DLC1: variants seen among roughly 807,000 people sequenced by gnomAD.
The protein encoded by DLC1 is rho GTPase-activating protein 7.
A neutral mutation model predicts 140.3 loss-of-function variants in DLC1; 54 were observed. The ratio of observed to expected loss-of-function variants is 0.38; its 90% CI spans 0.31 to 0.48. The LOEUF (loss-of-function observed/expected upper bound fraction) is 0.48. Among genes scored for constraint, DLC1 ranks in the 20% least tolerant of loss-of-function variants. DLC1 has a pLI of 0.96. For missense variants in DLC1, 2,536 were observed against 1,907.0 expected, an observed-to-expected ratio of 1.33 and a Z score of -6.14; for synonymous variants, 986 against 728.1, an observed-to-expected ratio of 1.35 and a Z score of -5.70.
chr8:13,399,137 G>A (rs897077399), intron 3 of DLC1, among the ~76,000 whole-genome samples: 48 of 152,124 alleles, frequency 3.2e-4, no homozygotes, highest in African/African-American at 7.2e-5. Context: ...CCAAGAGACC[G>A]TCAACTTTCC....
intron 4 of DLC1, among the ~76,000 whole-genome samples, chr8:13,360,781 T>A (rs1364514653): frequency 6.6e-6 from 1 of 152,128 alleles, no homozygotes; most frequent in Non-Finnish European, 1.5e-5. Flanking sequence ...AAATTCATAA[T>A]CTTACTACCC....
At chr8:13,107,055 A>G (rs1819624766) in intron 7 of DLC1, among the ~76,000 whole-genome samples, 1 of 152,236 alleles carries the variant, frequency 6.6e-6, no homozygotes, top group Admixed American at 6.5e-5. Context: ...TGCATTATAT[A>G]GTAAAGCTAG....
intron 1 of DLC1, among the ~76,000 whole-genome samples, chr8:13,557,319 C>T (rs1456883041): frequency 6.6e-6 from 1 of 152,088 alleles, no homozygotes; most frequent in African/African-American, 2.4e-5. Flanking sequence ...ACGTGAGGGC[C>T]AGTGTCTCAG....
At chr8:13,427,261 T>C (rs899040889) in intron 2 of DLC1, among the ~76,000 whole-genome samples, 3 of 152,142 alleles carry the variant, frequency 2.0e-5, no homozygotes, top group African/African-American at 7.2e-5. Context: ...TCCAAGATTT[T>C]CCCACAGTTC....
At chr8:13,367,296 C>T (rs1321551240) in intron 4 of DLC1, among the ~76,000 whole-genome samples, 3 of 152,240 alleles carry the variant, frequency 2.0e-5, no homozygotes, top group African/African-American at 4.8e-5. Flanking sequence ...TCACTCAATC[C>T]ATCCAGATCA....
intron 7 of DLC1, among the ~76,000 whole-genome samples, chr8:13,107,788 A>C (rs917149403): frequency 2.0e-5 from 3 of 152,192 alleles, no homozygotes; most frequent in African/African-American, 7.2e-5. Context: ...GCGGTGGCTC[A>C]CGCCTGTAAT....
chr8:13,499,667 T>C lies in DLC1; in HGVS notation c.405A>G (p.Thr135=), dbSNP rs200103571. The change falls in exon 2 of 18, where the codon ACA becomes ACG. Residue 135 remains threonine (T), a synonymous_variant. Coordinates refer to ENST00000276297, the MANE Select transcript of DLC1 (RefSeq NM_182643.3). The part of the protein sequence containing the change: ...KQVLNTQGQK[T]SGQHMIQGAG... Reference sequence around the variant, plus strand: ...CTCCTTGGATCATATGTTGGCCTGATGTTTTCTGCCCTTGGGTATTTAAAA... The same window carrying C: ...CTCCTTGGATCATATGTTGGCCTGACGTTTTCTGCCCTTGGGTATTTAAAA... 689 of 1,614,216 alleles carry C rather than the reference T, an allele frequency of 4.3e-4. 3 individuals carry two copies. In the Middle Eastern group the frequency reaches 7.3e-3, roughly 17 times the overall value.
chr8:13,086,176 T>C (rs773565356), intron 17 of DLC1, 114 bp downstream of exon 17: 5 of 1,426,818 alleles, frequency 3.5e-6, no homozygotes, highest in Non-Finnish European at 4.7e-6. Context: ...CCATTCTTCA[T>C]GAAGTCACCA....
intron 5 of DLC1, among the ~76,000 whole-genome samples, chr8:13,238,341 G>A (rs995570917): frequency 5.3e-5 from 8 of 151,820 alleles, no homozygotes; most frequent in Admixed American, 1.3e-4. Context: ...CTGAAATCCC[G>A]TCTCTACAAA....
intron 2 of DLC1, among the ~76,000 whole-genome samples, chr8:13,439,059 G>A (rs2116911454): frequency 6.6e-6 from 1 of 152,244 alleles, no homozygotes; most frequent in Non-Finnish European, 1.5e-5. Flanking sequence ...GAGCACAGTG[G>A]CTCATGCCTG....
At chr8:13,354,795 A>G (rs1332496225) in intron 4 of DLC1, among the ~76,000 whole-genome samples, 2 of 151,458 alleles carry the variant, frequency 1.3e-5, no homozygotes, top group African/African-American at 2.4e-5. Flanking sequence ...AAATAAAAAA[A>G]AAAATTAGCT....
chr8:13,376,626 T>G (rs1322015730), intron 4 of DLC1, among the ~76,000 whole-genome samples: 3 of 152,188 alleles, frequency 2.0e-5, no homozygotes, highest in Non-Finnish European at 4.4e-5. Flanking sequence ...GTGATTTGAT[T>G]TTTTGGATTT....
At chr8:13,454,643 C>T (rs1181424188) in intron 2 of DLC1, among the ~76,000 whole-genome samples, 1 of 152,164 alleles carries the variant, frequency 6.6e-6, no homozygotes, top group Non-Finnish European at 1.5e-5. Context: ...GCAACGTCGA[C>T]CTCTGGGCTC....
chr8:13,302,056 A>C (rs1027121430), intron 5 of DLC1, among the ~76,000 whole-genome samples: 2 of 152,196 alleles, frequency 1.3e-5, no homozygotes, highest in Non-Finnish European at 2.9e-5. Context: ...TACTTGTGTG[A>C]TCAGTTCTGA....
chr8:13,258,049 A>G (rs1440251465), intron 5 of DLC1, among the ~76,000 whole-genome samples: 1 of 152,240 alleles, frequency 6.6e-6, no homozygotes, highest in Non-Finnish European at 1.5e-5. Flanking sequence ...TTAAGTAACT[A>G]CTTAAACACA....
chr8:13,090,490 C>G lies in DLC1; in HGVS notation c.3856-20G>C. The G allele has an allele frequency of 6.2e-7, 1 of 1,612,218 alleles. No homozygotes were observed. Among genetic ancestry groups the G allele is most frequent in the Non-Finnish European group, 8.5e-7 (1 of 1,179,572 alleles). ...GGGAACCTGTGCGGAACATGACAGA[C>G]AGAAAGGAGGTGAGTCCACCTGTAC... On this transcript the variant is annotated intron_variant, in intron 14 of 17. Coordinates refer to ENST00000276297, the MANE Select transcript of DLC1 (RefSeq NM_182643.3).
At position 13,506,657 on chromosome 8, in the gene DLC1, G is replaced by A. The variant is rs1041604376; in HGVS notation, c.-125-6461C>T. ...GACACATGCACCCAAATATATATGT[G>A]TGCATATGTATGTATATAAATATAC... On this transcript the variant is annotated intron_variant, in intron 1 of 17. Coordinates refer to ENST00000276297, the MANE Select transcript of DLC1 (RefSeq NM_182643.3). Among the ~76,000 whole-genome samples the A allele has an allele frequency of 3.3e-5, 5 of 150,324 alleles. No individual in the cohort carries two copies. The South Asian group carries it at 8.4e-4, about 25-fold the overall frequency.
intron 1 of DLC1, among the ~76,000 whole-genome samples, chr8:13,570,425 C>T (rs1411170203): frequency 6.9e-6 from 1 of 145,468 alleles, no homozygotes; most frequent in Non-Finnish European, 1.5e-5. Context: ...AGGTATATCT[C>T]CCAATGCTAT....
intron 5 of DLC1, among the ~76,000 whole-genome samples, chr8:13,167,249 G>A (rs1563130117): frequency 6.6e-6 from 1 of 152,176 alleles, no homozygotes; most frequent in Non-Finnish European, 1.5e-5. Context: ...AGTTGACTCT[G>A]CTCAAGTCTC....
Sources: gnomAD v4.1 joint callset for allele counts (sites outside exome capture counted in the v4.1 genomes callset) on GRCh38, gnomAD v4.1.1 for gene constraint, MANE v1.5 for transcripts, NCBI Gene and HGNC (gene_info 2026-07-23, HGNC 2026-07-21) for gene names.